The following CEP63 variants were observed in gnomAD, a reference collection of about 807,000 sequenced individuals.
The protein encoded by CEP63 is centrosomal protein of 63 kDa.
In CEP63, 84 loss-of-function variants were observed where a neutral mutation model predicts 89.1. The observed-to-expected ratio is 0.94, with a 90% CI of 0.79 to 1.13. CEP63 has a LOEUF of 1.13. Ranked by LOEUF, CEP63 falls within the 50% of genes most tolerant of loss-of-function variation. The pLI, the probability that CEP63 is intolerant of heterozygous loss-of-function variation, is 0.00. For synonymous variants in CEP63, 267 were observed against 272.5 expected (o/e 0.98, Z 0.20); for missense variants, 838 against 813.3 (o/e 1.03, Z -0.37).
At chr3:134,772,109 A>G in the CEP63 span, among the ~76,000 whole-genome samples, 15 of 152,354 alleles carry the variant, frequency 9.8e-5, no homozygotes, top group African/African-American at 3.6e-4. Flanking sequence ...ATTAAAGCAG[A>G]CACAGGCAGG....
chr3:134,664,692 TTG>T, the CEP63 span, among the ~76,000 whole-genome samples: 1 of 118,670 alleles, frequency 8.4e-6, no homozygotes, highest in African/African-American at 2.9e-5. Flanking sequence ...GTGTGTGTGT[TTG>T]TGTGTGTAAA....
At chr3:134,610,944 C>T in the CEP63 span, among the ~76,000 whole-genome samples, 3 of 152,178 alleles carry the variant, frequency 2.0e-5, no homozygotes, top group Non-Finnish European at 4.4e-5. Context: ...TGCTATTCCT[C>T]CCAAGGATGC....
the CEP63 span, among the ~76,000 whole-genome samples, chr3:134,611,543 A>C: frequency 6.6e-6 from 1 of 152,250 alleles, no homozygotes. Context: ...CCCCTTCCTC[A>C]AGACATTTTC....
At chr3:134,728,081 A>G in the CEP63 span, among the ~76,000 whole-genome samples, 1 of 152,264 alleles carries the variant, frequency 6.6e-6, no homozygotes, top group African/African-American at 2.4e-5. Context: ...CAAAAAAGAA[A>G]AAAACTGTGT....
Position 134,545,832 on chromosome 3 carries a change from A to G in CEP63, c.789+13A>G, listed in dbSNP as rs767262487. On this transcript the variant is annotated intron_variant, in intron 7 of 14. Coordinates refer to ENST00000675561, the MANE Select transcript of CEP63 (RefSeq NM_001353108.3). Reference sequence around the variant, plus strand: ...AAAACTATTAGAGGTATGTTTTAAAATCACTATAATTGGGGGAAGTGTGTG... The same window carrying G: ...AAAACTATTAGAGGTATGTTTTAAAGTCACTATAATTGGGGGAAGTGTGTG... The G allele has an allele frequency of 3.8e-6, 6 of 1,574,970 alleles. No homozygotes were observed. Among genetic ancestry groups the G allele is most frequent in the Non-Finnish European group, 5.2e-6 (6 of 1,148,692 alleles).
At chr3:134,660,232 C>G in the CEP63 span, among the ~76,000 whole-genome samples, 1 of 152,266 alleles carries the variant, frequency 6.6e-6, no homozygotes, top group Non-Finnish European at 1.5e-5. Context: ...GGGCTCTGCT[C>G]TGCCCTCCGG....
the CEP63 span, among the ~76,000 whole-genome samples, chr3:134,775,211 G>A: frequency 2.6e-5 from 4 of 152,122 alleles, no homozygotes; most frequent in Non-Finnish European, 5.9e-5. Context: ...CAAGGGTCTC[G>A]TTCACGTGAT....
At chr3:134,488,591 A>G (rs1936499091) in intron 1 of CEP63, among the ~76,000 whole-genome samples, 1 of 152,274 alleles carries the variant, frequency 6.6e-6, no homozygotes, top group Non-Finnish European at 1.5e-5. Context: ...ACCAGGCAAG[A>G]GTGCAAGACT....
At chr3:134,672,304 G>A in the CEP63 span, among the ~76,000 whole-genome samples, 2 of 152,198 alleles carry the variant, frequency 1.3e-5, no homozygotes, top group South Asian at 4.1e-4. Flanking sequence ...AAAGTGCTTA[G>A]CACAGACCTC....
the CEP63 span, among the ~76,000 whole-genome samples, chr3:134,702,051 G>A: frequency 2.0e-5 from 3 of 152,078 alleles, no homozygotes; most frequent in Non-Finnish European, 4.4e-5. Flanking sequence ...AAAATTGCTA[G>A]CATTCCTAGA....
chr3:134,749,401 G>T, the CEP63 span, among the ~76,000 whole-genome samples: 1 of 152,138 alleles, frequency 6.6e-6, no homozygotes, highest in African/African-American at 2.4e-5. Flanking sequence ...GCAACAGGGA[G>T]GTAGGTTAGA....
intron 12 of CEP63, among the ~76,000 whole-genome samples, chr3:134,553,716 A>G (rs974877061): frequency 3.8e-4 from 58 of 152,348 alleles, no homozygotes; most frequent in African/African-American, 1.2e-3. Context: ...CGGCCTTTCT[A>G]GAGGACAGCT....
At chr3:134,541,380 G>T (rs1163410372) in intron 6 of CEP63, among the ~76,000 whole-genome samples, 1 of 151,900 alleles carries the variant, frequency 6.6e-6, no homozygotes, top group African/African-American at 2.4e-5. Flanking sequence ...TTACTTTAGT[G>T]TAAGGTATTT....
At chr3:134,701,894 G>A in the CEP63 span, among the ~76,000 whole-genome samples, 1 of 152,084 alleles carries the variant, frequency 6.6e-6, no homozygotes, top group Non-Finnish European at 1.5e-5. Flanking sequence ...TTCAGGATAA[G>A]AGACAGTGAG....
chr3:134,503,755 A>C (rs1234187841), intron 2 of CEP63, among the ~76,000 whole-genome samples: 1 of 152,104 alleles, frequency 6.6e-6, no homozygotes, highest in Non-Finnish European at 1.5e-5. Flanking sequence ...TCATTATATA[A>C]TGACCTTCTT....
chr3:134,485,991 G>GCCCCCCCCCCCCCC (rs5852785), upstream of CEP63: 8 of 940,612 alleles, frequency 8.5e-6, no homozygotes, highest in African/African-American at 1.1e-4. Flanking sequence ...CTCCTGCCAC[G>GCCCCCCCCCCCCCC]CCCCCCCCCC....
intron 3 of CEP63, among the ~76,000 whole-genome samples, chr3:134,529,868 ATTT>A (rs58922185): frequency 1.9e-5 from 2 of 103,150 alleles, no homozygotes; most frequent in Non-Finnish European, 1.8e-5. Context: ...AGGTTAAGAA[ATTT>A]TTTTTTTTTT....
the CEP63 span, among the ~76,000 whole-genome samples, chr3:134,753,617 G>T: frequency 6.6e-6 from 1 of 152,180 alleles, no homozygotes; most frequent in African/African-American, 2.4e-5. Context: ...AGCCTATCAT[G>T]GTAGGAAAAC....
chr3:134,559,578 A>G (rs1318997516), intron 14 of CEP63, 149 bp downstream of exon 14: 2 of 715,278 alleles, frequency 2.8e-6, no homozygotes, highest in East Asian at 2.7e-5. Flanking sequence ...CCTGTCATAC[A>G]GTTTTTGCTT....
Sources: allele counts gnomAD v4.1 joint callset (sites outside exome capture counted in the v4.1 genomes callset), GRCh38; gene constraint gnomAD v4.1.1; transcripts MANE v1.5; gene names NCBI Gene and HGNC (gene_info 2026-07-23, HGNC 2026-07-21).